BNC1: variants seen among roughly 807,000 people sequenced by gnomAD.
BNC1 encodes the protein basonuclin zinc finger protein 1.
Under a neutral mutation model 66.5 loss-of-function variants are expected in BNC1, and 8 were observed. The observed-to-expected ratio is 0.12, with a 90% CI of 0.07 to 0.22. The LOEUF is 0.22. Ranked by LOEUF, BNC1 falls within the 10% of genes least tolerant of loss-of-function variation. BNC1 has a pLI of 1.00. For missense variants in BNC1, 1,069 were observed against 1,241.3 expected, an observed-to-expected ratio of 0.86 and a Z score of 2.09; for synonymous variants, 454 against 452.6, an observed-to-expected ratio of 1.00 and a Z score of -0.04.
chr15:83,265,516 A>G (rs1253692559), intron 3 of BNC1, among the ~76,000 whole-genome samples: 2 of 152,234 alleles, frequency 1.3e-5, no homozygotes, highest in South Asian at 4.1e-4. Flanking sequence ...TTTTTCATGC[A>G]CTAGAGGTTC....
intron 4 of BNC1, among the ~76,000 whole-genome samples, chr15:83,262,043 A>ATTT (rs1567191023): frequency 7.3e-6 from 1 of 137,914 alleles, no homozygotes; most frequent in African/African-American, 2.8e-5. Context: ...CAACTAGTTC[A>ATTT]TGTTTTTTTT....
At chr15:83,277,624 G>C (rs757094167) in intron 1 of BNC1, among the ~76,000 whole-genome samples, 1 of 152,062 alleles carries the variant, frequency 6.6e-6, no homozygotes, top group Admixed American at 6.6e-5. Context: ...TTTCTAAGTA[G>C]TACTTTTTAA....
At chr15:83,266,405 A>C (rs1286070592) in intron 3 of BNC1, among the ~76,000 whole-genome samples, 1 of 152,204 alleles carries the variant, frequency 6.6e-6, no homozygotes, top group African/African-American at 2.4e-5. Context: ...GAAGGCTTTA[A>C]AGAACAGGAA....
chr15:83,263,730 T>C lies in BNC1; in HGVS notation c.1521A>G (p.Ile507Met). The change falls in exon 4 of 5, where the codon ATA (isoleucine) becomes ATG (methionine). Residue 507 changes from isoleucine (I) to methionine (M), a missense_variant. By Grantham distance (10) the Ile-to-Met change is conservative. This residue lies in a region of BNC1 where 657 missense variants were observed against 715.8 expected (regional missense o/e 0.92). Transcript: ENST00000345382. ...AGGACAACAGCGGGAGGGAAGGGAG[T>C]ATCCCAGGCGTGTTTGCTACCTCGG... ...TPAEVANTPG[I>M]LPSLPLLSSS... 1 of 1,613,878 alleles carries C rather than the reference T, an allele frequency of 6.2e-7. No individual in the cohort carries two copies. The highest frequency in any genetic ancestry group is 8.5e-7 in the Non-Finnish European group (1 of 1,179,980).
chr15:83,265,952 C>T (rs2038213355), intron 3 of BNC1, among the ~76,000 whole-genome samples: 1 of 152,118 alleles, frequency 6.6e-6, no homozygotes. Context: ...AATATGTTCG[C>T]CTCCCATTTC....
chr15:83,275,583 A>G (rs575576534), intron 1 of BNC1, among the ~76,000 whole-genome samples: 33 of 152,064 alleles, frequency 2.2e-4, no homozygotes, highest in African/African-American at 7.5e-4. Context: ...AATGTTTTAG[A>G]TTGAGTCATC....
chr15:83,258,712 G>A (rs2038110892), intron 4 of BNC1, among the ~76,000 whole-genome samples: 1 of 152,156 alleles, frequency 6.6e-6, no homozygotes, highest in Non-Finnish European at 1.5e-5. Context: ...AATGAAATCA[G>A]GAAACATTAC....
At chr15:83,277,501 G>A (rs1489274075) in intron 1 of BNC1, among the ~76,000 whole-genome samples, 1 of 152,026 alleles carries the variant, frequency 6.6e-6, no homozygotes, top group African/African-American at 2.4e-5. Context: ...AGTAGAGATG[G>A]GGTTTCACCA....
intron 1 of BNC1, chr15:83,283,283 T>C: frequency 5.2e-6 from 8 of 1,524,586 alleles, no homozygotes; most frequent in South Asian, 1.2e-5. Flanking sequence ...GCCACAATCT[T>C]GTCACATCTG....
chr15:83,263,789 C>A lies in BNC1; in HGVS notation c.1462G>T (p.Val488Phe). Residue 488 changes from valine to phenylalanine, a missense_variant, in exon 4 of 5, where the codon GTC becomes TTC. By Grantham distance (50) the Val-to-Phe change is conservative. Around this residue, in one of 7 missense-constraint regions of BNC1, gnomAD observed 657 missense variants for 715.8 expected, o/e 0.92. Coordinates refer to ENST00000345382, the MANE Select transcript of BNC1 (RefSeq NM_001717.4). ...GCTGGACTGCGGTAGAAAGGAAGGACTGGCTGGACTGTCTTTAGGTTGGGA... is the reference window on the plus strand; with the variant it reads ...GCTGGACTGCGGTAGAAAGGAAGGAATGGCTGGACTGTCTTTAGGTTGGGA... ...LFPNLKTVQP[V>F]LPFYRSPATP... is the part of the protein sequence containing the mutation. The A allele has an allele frequency of 6.2e-7, 1 of 1,614,164 alleles. No individual in the cohort carries two copies. Among genetic ancestry groups the A allele is most frequent in the Non-Finnish European group, 8.5e-7 (1 of 1,180,036 alleles).
intron 1 of BNC1, 148 bp downstream of exon 1, chr15:83,284,382 G>A (rs2038420976): frequency 2.5e-6 from 1 of 401,034 alleles, no homozygotes. Flanking sequence ...CTCCCGCCGC[G>A]CCTCGGGGCC....
At position 83,283,235 on chromosome 15, in the gene BNC1, T is replaced by C; in HGVS notation, c.99+1295A>G. On this transcript the variant is annotated intron_variant, in intron 1 of 4. Coordinates refer to ENST00000345382, the MANE Select transcript of BNC1 (RefSeq NM_001717.4). ...CATTTGTGAAAGTTTGGCTCGGAGC[T>C]ACGCGCTGATTAATATCAGATCTCC... is the stretch of plus-strand genomic sequence containing the variant. 2.0e-6 allele frequency: 3 copies of C among 1,535,654 alleles called. No homozygotes were observed. In the East Asian group the frequency reaches 7.3e-5, roughly 38 times the overall value.
At chr15:83,266,741 G>A in intron 3 of BNC1, 95 bp downstream of exon 3, 1 of 1,091,484 alleles carries the variant, frequency 9.2e-7, no homozygotes, top group East Asian at 2.4e-5. Context: ...TGGCCACCAA[G>A]GGCTGTAGCA....
chr15:83,282,006 T>C (rs978006590), intron 1 of BNC1, among the ~76,000 whole-genome samples: 3 of 152,228 alleles, frequency 2.0e-5, no homozygotes, highest in African/African-American at 7.2e-5. Flanking sequence ...AGTCAATATT[T>C]CTAATGAGAA....
chr15:83,282,960 C>A (rs573188264), intron 1 of BNC1, among the ~76,000 whole-genome samples: 1 of 152,268 alleles, frequency 6.6e-6, no homozygotes, highest in South Asian at 2.1e-4. Context: ...AGAGGCCTGG[C>A]TGAGACCAGG....
intron 1 of BNC1, among the ~76,000 whole-genome samples, chr15:83,272,998 C>T (rs530262082): frequency 1.9e-4 from 29 of 152,282 alleles, no homozygotes; most frequent in Middle Eastern, 3.4e-3. Flanking sequence ...GCCTATACCA[C>T]TCCCATGGGC....
At chr15:83,283,503 G>A (rs1210294824) in intron 1 of BNC1, 16 of 985,370 alleles carry the variant, frequency 1.6e-5, no homozygotes, top group Non-Finnish European at 1.9e-5. Flanking sequence ...AGGTCCCAAG[G>A]CCAGGCTGGG....
At chr15:83,280,322 T>C (rs1333369637) in intron 1 of BNC1, among the ~76,000 whole-genome samples, 1 of 152,178 alleles carries the variant, frequency 6.6e-6, no homozygotes, top group African/African-American at 2.4e-5. Context: ...CAAAAGATAT[T>C]AATTGCATGT....
In BNC1 at chr15:83,263,010, C is replaced by T; in HGVS notation, c.2241G>A (p.Met747Ile). 2 of 1,614,166 alleles carry T rather than the reference C, an allele frequency of 1.2e-6. No homozygotes were observed. Among genetic ancestry groups the T allele is most frequent in the East Asian group, 4.5e-5 (2 of 44,888 alleles). The change falls in exon 4 of 5, where the codon ATG (methionine) becomes ATA (isoleucine). Residue 747 changes from methionine to isoleucine, a missense_variant. Physicochemically the swap from Met to Ile is conservative, Grantham distance 10. This residue lies in a region of BNC1 where 657 missense variants were observed against 715.8 expected (regional missense o/e 0.92). Transcript: ENST00000345382. ...IHHKNMHVKE[M>I]HTCTVEGCNA... ...TACAGCCCTCCACTGTGCATGTGTG[C>T]ATTTCTTTGACATGCATATTCTTGT...
Sources: allele counts gnomAD v4.1 joint callset (sites outside exome capture counted in the v4.1 genomes callset), GRCh38; gene constraint gnomAD v4.1.1; regional missense constraint gnomAD v4.1.1; transcripts MANE v1.5; gene names NCBI Gene and HGNC (gene_info 2026-07-23, HGNC 2026-07-21).